ZNF730: variants seen among roughly 807,000 people sequenced by gnomAD.
The protein encoded by ZNF730 is putative zinc finger protein 730.
In ZNF730, 12 loss-of-function variants were observed where a neutral mutation model predicts 12.6. That is an observed-to-expected ratio of 0.95 (90% CI 0.61 to 1.54). The LOEUF (loss-of-function observed/expected upper bound fraction) is 1.54, where lower values mean the gene tolerates loss of function less well. Among genes scored for constraint, ZNF730 ranks in the 40% most tolerant of loss-of-function variants. The pLI is 0.00. For missense variants in ZNF730, 643 were observed against 583.5 expected (o/e 1.10, Z -1.05); for synonymous variants, 194 against 195.8 (o/e 0.99, Z 0.08).
At chr19:23,137,199 A>G (rs1156436158) in intron 3 of ZNF730, among the ~76,000 whole-genome samples, 1 of 152,186 alleles carries the variant, frequency 6.6e-6, no homozygotes, top group Non-Finnish European at 1.5e-5. Context: ...AAGGCACTGC[A>G]ACAATATTTA....
At chr19:23,104,216 C>T (rs375005217) in intron 1 of ZNF730, among the ~76,000 whole-genome samples, 2 of 150,288 alleles carry the variant, frequency 1.3e-5, no homozygotes, top group East Asian at 2.0e-4. Flanking sequence ...GCAGGAGAAT[C>T]GCTTGAACCT....
At chr19:23,101,202 A>G (rs1049112962) in intron 1 of ZNF730, among the ~76,000 whole-genome samples, 1 of 115,626 alleles carries the variant, frequency 8.6e-6, no homozygotes, top group African/African-American at 3.2e-5. Context: ...CACCCAGGCA[A>G]CAGTAAAGAT....
intron 1 of ZNF730, chr19:23,127,881 C>A: frequency 1.5e-6 from 1 of 664,796 alleles, no homozygotes; most frequent in Non-Finnish European, 2.7e-6. Context: ...TGATATTACA[C>A]ACAGCATATG....
rs1269830325 is a variant in ZNF730, at chr19:23,145,594, A to G, written c.550A>G (p.Ile184Val). The change falls in exon 4 of 4, where the codon ATT becomes GTT. Residue 184 changes from isoleucine (I) to valine (V), a missense_variant. By Grantham distance (29) the Ile-to-Val change is conservative. Transcript: ENST00000597761. ...TAAAGAATGTGGAAAATTATTTTGC[A>G]TTCTTTCACACTTAGCTCAACATAA... ...KCKECGKLFC[I>V]LSHLAQHKKI... 6.5e-7 allele frequency: 1 copy of G among 1,543,836 alleles called. No individual in the cohort carries two copies. The highest frequency in any genetic ancestry group is 1.2e-5 in the South Asian group (1 of 81,860).
Position 23,134,077 on chromosome 19 carries a change from C to T in ZNF730, c.4-3C>T, listed in dbSNP as rs1265506728. On this transcript the variant is annotated splice_region_variant and splice_polypyrimidine_tract_variant and intron_variant, in intron 1 of 3. Transcript: ENST00000597761. ...AATATGTGTGTTTGTTTGTGTTTTT[C>T]AGGGAGCGTTGACATTTAGAGATGT... 10 of 1,612,672 alleles carry T rather than the reference C, an allele frequency of 6.2e-6. No individual in the cohort carries two copies. In the Admixed American group the frequency reaches 1.5e-4, roughly 24 times the overall value.
chr19:23,118,366 G>GTTTTTTTTTTTTTTTTTTTT (rs3841327), intron 1 of ZNF730, among the ~76,000 whole-genome samples: 3 of 139,468 alleles, frequency 2.2e-5, no homozygotes, highest in African/African-American at 2.6e-5. Flanking sequence ...TTTGTTTTTT[G>GTTTTTTTTTTTTTTTTTTTT]TTTTTTTTTT....
intron 1 of ZNF730, among the ~76,000 whole-genome samples, chr19:23,092,877 C>T (rs1479480364): frequency 6.6e-6 from 1 of 152,162 alleles, no homozygotes; most frequent in Non-Finnish European, 1.5e-5. Context: ...ATCAAAGATA[C>T]TTACCTGAAG....
intron 1 of ZNF730, among the ~76,000 whole-genome samples, chr19:23,133,427 T>C (rs1296732418): frequency 6.6e-6 from 1 of 152,188 alleles, no homozygotes; most frequent in Admixed American, 6.5e-5. Flanking sequence ...CTGCAACCTC[T>C]GTTTCCCAGG....
intron 1 of ZNF730, among the ~76,000 whole-genome samples, chr19:23,129,038 C>T (rs965556459): frequency 1.3e-5 from 2 of 152,142 alleles, no homozygotes; most frequent in Non-Finnish European, 2.9e-5. Context: ...TGTGGGTTCA[C>T]GGAAGTCAAG....
intron 1 of ZNF730, among the ~76,000 whole-genome samples, chr19:23,078,535 A>G (rs1199473423): frequency 6.6e-6 from 1 of 151,824 alleles, no homozygotes; most frequent in African/African-American, 2.4e-5. Flanking sequence ...CCCCACTATT[A>G]CCCTATTGTC....
At chr19:23,094,154 G>GT (rs1237914748) in intron 1 of ZNF730, among the ~76,000 whole-genome samples, 4 of 151,442 alleles carry the variant, frequency 2.6e-5, no homozygotes, top group Non-Finnish European at 2.9e-5. Flanking sequence ...GTTTTGTTTT[G>GT]TTTTTTTCCC....
chr19:23,105,741 T>C (rs1439895525), intron 1 of ZNF730, among the ~76,000 whole-genome samples: 1 of 152,224 alleles, frequency 6.6e-6, no homozygotes, highest in Non-Finnish European at 1.5e-5. Context: ...CAAACCTTTT[T>C]GTGGCTGTGT....
At chr19:23,135,568 T>A (rs1568315864) in intron 2 of ZNF730, among the ~76,000 whole-genome samples, 1 of 152,156 alleles carries the variant, frequency 6.6e-6, no homozygotes, top group Non-Finnish European at 1.5e-5. Context: ...TGGAGTGCAG[T>A]GGCACAATGT....
At chr19:23,100,759 G>A (rs1191248822) in intron 1 of ZNF730, among the ~76,000 whole-genome samples, 3 of 145,076 alleles carry the variant, frequency 2.1e-5, no homozygotes, top group Non-Finnish European at 4.5e-5. Context: ...GGGTTCAAGC[G>A]ATTCTCCTGC....
At chr19:23,114,452 G>A (rs1025912220), upstream of ZNF730, among the ~76,000 whole-genome samples, 25 of 149,476 alleles carry the variant, frequency 1.7e-4, no homozygotes, top group South Asian at 4.2e-4. Flanking sequence ...GAATACAGGC[G>A]CCCGCCATCA....
chr19:23,076,055 G>C (rs931724140), intron 1 of ZNF730, among the ~76,000 whole-genome samples: 39 of 116,020 alleles, frequency 3.4e-4, no homozygotes, highest in African/African-American at 2.1e-3. Flanking sequence ...GGCAAGCAGG[G>C]CTCTAATCCA....
At chr19:23,126,138 C>CA (rs1163187627) in intron 1 of ZNF730, among the ~76,000 whole-genome samples, 2 of 151,924 alleles carry the variant, frequency 1.3e-5, no homozygotes, top group Non-Finnish European at 2.9e-5. Context: ...TTTTTTAAAA[C>CA]AAAATTTTAA....
chr19:23,106,488 C>G (rs1421484319), intron 1 of ZNF730, among the ~76,000 whole-genome samples: 1 of 152,038 alleles, frequency 6.6e-6, no homozygotes, highest in African/African-American at 2.4e-5. Context: ...TTACCTAACC[C>G]TATTAAAGAG....
rs534536760 is a variant in ZNF730, at chr19:23,136,201, T to A, written c.226+158T>A. 1.4e-4 allele frequency: 67 copies of A among 474,330 alleles called. No individual in the cohort carries two copies. The South Asian group carries it at 2.7e-3, about 19-fold the overall frequency. The allele number at this position is 474,330 out of a possible 1,614,324, so 29.4% of individuals were successfully genotyped here. On this transcript the variant is annotated intron_variant, in intron 3 of 3. Coordinates refer to ENST00000597761, the MANE Select transcript of ZNF730 (RefSeq NM_001277403.2). The stretch of plus-strand genomic sequence containing the variant: ...TTTGCTTTTTATTTATTTTTTTTCC[T>A]CTCACATAGAAGCATCTTTTGTTTT...
Sources: allele counts gnomAD v4.1 joint callset (sites outside exome capture counted in the v4.1 genomes callset), GRCh38; gene constraint gnomAD v4.1.1; transcripts MANE v1.5; gene names NCBI Gene and HGNC (gene_info 2026-07-23, HGNC 2026-07-21).